The following ZNF740 variants were observed in gnomAD, a reference collection of about 807,000 sequenced individuals.
ZNF740 encodes the protein zinc finger protein 740, also known as oriLyt TD-element-binding protein 7.
ZNF740 carries 14 observed loss-of-function variants against 24.8 expected under a neutral mutation model. The observed-to-expected ratio is 0.56, with a 90% CI of 0.37 to 0.88. The LOEUF (loss-of-function observed/expected upper bound fraction) is 0.88. Ranked by LOEUF, ZNF740 falls within the 40% of genes least tolerant of loss-of-function variation. The pLI is 0.00. For missense variants in ZNF740, 201 were observed against 247.9 expected, an observed-to-expected ratio of 0.81 and a Z score of 1.27; for synonymous variants, 69 against 84.0, an observed-to-expected ratio of 0.82 and a Z score of 0.98.
At position 53,191,335 on chromosome 12, in the gene ZNF740, C is replaced by CT. The variant is rs953013874; in HGVS notation, c.*3748dup. The CT allele has an allele frequency of 8.8e-6, 5 of 568,574 alleles. No individual in the cohort carries two copies. In the Admixed American group the frequency reaches 1.5e-4, roughly 17 times the overall value. The allele number at this position is 568,574 out of a possible 1,614,324, so 35.2% of individuals were successfully genotyped here. On this transcript the variant is annotated 3_prime_UTR_variant, in exon 7 of 7. Coordinates refer to ENST00000416904, the MANE Select transcript of ZNF740 (RefSeq NM_001004304.4). ...GTGACAGCTGTGGTCTGAGGTAAGA[C>CT]TTTATTGTATACTTGGGTGGGGTAG...
Position 53,181,356 on chromosome 12 carries a change from T to A in ZNF740, c.-307-321T>A, listed in dbSNP as rs937431749. On this transcript the variant is annotated intron_variant, in intron 1 of 6. Coordinates refer to ENST00000416904, the MANE Select transcript of ZNF740 (RefSeq NM_001004304.4). ...CTTGCCGCCTCTGTAAAGTGCGAGC[T>A]TTTCGGGCCGGCCCACTGGGCACAA... 4 of 985,270 alleles carry A rather than the reference T, an allele frequency of 4.1e-6. No individual in the cohort carries two copies. In the African/African-American group the frequency reaches 7.0e-5, roughly 17 times the overall value. 61.0% of individuals were successfully genotyped at this position (985,270 alleles called of 1,614,324 possible).
At position 53,186,422 on chromosome 12, in the gene ZNF740, T is replaced by C. The variant is rs773709199; in HGVS notation, c.405T>C (p.Asp135=). 3.2e-5 allele frequency: 51 copies of C among 1,588,132 alleles called. No individual in the cohort carries two copies. The highest frequency in any genetic ancestry group is 1.0e-5 in the Non-Finnish European group (12 of 1,166,604). The part of the protein sequence containing the change: ...GEKPFECDIC[D]MRFIQKYHLE... ...AGCCATTTGAATGCGATATATGTGATATGCGTTTCATCCAGAAGTACCACC... is the reference window on the plus strand; with the variant it reads ...AGCCATTTGAATGCGATATATGTGACATGCGTTTCATCCAGAAGTACCACC... Residue 135 remains aspartate, a synonymous_variant, in exon 6 of 7, where the codon GAT becomes GAC. Coordinates refer to ENST00000416904, the MANE Select transcript of ZNF740 (RefSeq NM_001004304.4).
chr12:53,191,992 A>C lies in ZNF740; in HGVS notation c.*4402A>C, dbSNP rs758690425. The C allele has an allele frequency of 1.2e-6, 2 of 1,613,112 alleles. No individual in the cohort carries two copies. Among genetic ancestry groups the C allele is most frequent in the Admixed American group, 3.3e-5 (2 of 60,012 alleles). On this transcript the variant is annotated 3_prime_UTR_variant, in exon 7 of 7. Coordinates refer to ENST00000416904, the MANE Select transcript of ZNF740 (RefSeq NM_001004304.4). ...CACGATGCCCCCTACGCAGCCCAGC[A>C]CAATGGCCTGCGTGTGGTCTGCTCC...
Position 53,193,855 on chromosome 12 carries a change from G to T in ZNF740, c.*6265G>T. On this transcript the variant is annotated 3_prime_UTR_variant, in exon 7 of 7. Transcript: ENST00000416904. ...AAGGGCCCGGAGCCTCAGGAGATGG[G>T]GCTCTGGGAGGCAGTGGGTGGCTTG... 1 of 1,613,956 alleles carries T rather than the reference G, an allele frequency of 6.2e-7. No individual in the cohort carries two copies. The highest frequency in any genetic ancestry group is 8.5e-7 in the Non-Finnish European group (1 of 1,179,944).
rs754695662 is a variant in ZNF740 at position 53,191,769 on chromosome 12, A to G, written c.*4179A>G. 1 of 1,574,586 alleles carries G rather than the reference A, an allele frequency of 6.4e-7. No individual in the cohort carries two copies. Among genetic ancestry groups the G allele is most frequent in the South Asian group, 1.1e-5 (1 of 89,978 alleles). ...AGCAGAGGGGTTGGTTACATGTGCC[A>G]GGGGCTGGGGGAACCCAGTGGGAGG... On this transcript the variant is annotated 3_prime_UTR_variant, in exon 7 of 7. Transcript: ENST00000416904.
Position 53,187,749 on chromosome 12 carries a change from C to T in ZNF740, c.*159C>T, listed in dbSNP as rs1438489066. The T allele has an allele frequency of 8.1e-6, 5 of 613,660 alleles. No homozygotes were observed. Among genetic ancestry groups the T allele is most frequent in the Admixed American group, 5.7e-5 (2 of 34,926 alleles). The allele number at this position is 613,660 out of a possible 1,614,324, so 38.0% of individuals were successfully genotyped here. ...AGAGTGCATCAGGGGACAGTGGCCC[C>T]AGAACCTCAGCTCTGTAAATAATCT... On this transcript the variant is annotated 3_prime_UTR_variant, in exon 7 of 7. Coordinates refer to ENST00000416904, the MANE Select transcript of ZNF740 (RefSeq NM_001004304.4).
chr12:53,194,227 G>T lies in ZNF740; in HGVS notation c.*6637G>T. On this transcript the variant is annotated 3_prime_UTR_variant, in exon 7 of 7. Transcript: ENST00000416904. The stretch of plus-strand genomic sequence containing the variant: ...TGGTTGATTCGGACGTGGTTGCACT[G>T]TCCTCGATCCTCAGCCTTACCCTCC... 1 of 1,614,024 alleles carries T rather than the reference G, an allele frequency of 6.2e-7. No homozygotes were observed. Among genetic ancestry groups the T allele is most frequent in the Non-Finnish European group, 8.5e-7 (1 of 1,180,002 alleles).
At chr12:53,181,572 C>G in intron 1 of ZNF740, 105 bp from the exon 2 acceptor site, 1 of 920,318 alleles carries the variant, frequency 1.1e-6, no homozygotes, top group Non-Finnish European at 1.3e-6. Context: ...TGTCCTCGTT[C>G]TGAGCTTCAC....
intron 2 of ZNF740, among the ~76,000 whole-genome samples, chr12:53,183,625 G>A (rs968397232): frequency 6.6e-6 from 1 of 151,292 alleles, no homozygotes; most frequent in African/African-American, 2.5e-5. Context: ...TATGGAGCAA[G>A]GAATGTGAAA....
chr12:53,192,642 C>G lies in ZNF740; in HGVS notation c.*5052C>G, dbSNP rs759187301. On this transcript the variant is annotated 3_prime_UTR_variant, in exon 7 of 7. Transcript: ENST00000416904. Reference sequence around the variant, plus strand: ...GAGTAGGCAGATGGGAGTAGCTCAACAAGCCCCACTGTGCCCCTGCTCCCA... The same window carrying G: ...GAGTAGGCAGATGGGAGTAGCTCAAGAAGCCCCACTGTGCCCCTGCTCCCA... 6.2e-7 allele frequency: 1 copy of G among 1,601,032 alleles called. No individual in the cohort carries two copies. Among genetic ancestry groups the G allele is most frequent in the Non-Finnish European group, 8.5e-7 (1 of 1,170,662 alleles).
In ZNF740 at chr12:53,193,020, C is replaced by A; in HGVS notation, c.*5430C>A. On this transcript the variant is annotated 3_prime_UTR_variant, in exon 7 of 7. Coordinates refer to ENST00000416904, the MANE Select transcript of ZNF740 (RefSeq NM_001004304.4). Reference sequence around the variant, plus strand: ...ATCTTTTTGAAGTATGCCAACCACACCCTCTAACCCATACACCGGAATCTT... The same window carrying A: ...ATCTTTTTGAAGTATGCCAACCACAACCTCTAACCCATACACCGGAATCTT... 7.4e-7 allele frequency: 1 copy of A among 1,352,162 alleles called. No homozygotes were observed. 83.8% of individuals were successfully genotyped at this position (1,352,162 alleles called of 1,614,324 possible).
chr12:53,188,114 T>C lies in ZNF740; in HGVS notation c.*524T>C, dbSNP rs542098095. ...GTTTTTAGTTGCAGTAGCTCCTCAGTGTTTCACAATCCTGCACTTCGCCTC... is the reference window on the plus strand; with the variant it reads ...GTTTTTAGTTGCAGTAGCTCCTCAGCGTTTCACAATCCTGCACTTCGCCTC... On this transcript the variant is annotated 3_prime_UTR_variant, in exon 7 of 7. Coordinates refer to ENST00000416904, the MANE Select transcript of ZNF740 (RefSeq NM_001004304.4). The C allele has an allele frequency of 6.2e-6, 1 of 160,966 alleles. No individual in the cohort carries two copies. The highest frequency in any genetic ancestry group is 1.4e-5 in the Non-Finnish European group (1 of 72,298). 10.0% of individuals were successfully genotyped at this position (160,966 alleles called of 1,614,324 possible). A position where few individuals can be genotyped will look rare whatever the true frequency, so the allele number is the denominator to read the frequency against.
Position 53,191,787 on chromosome 12 carries a change from G to A in ZNF740, c.*4197G>A. On this transcript the variant is annotated 3_prime_UTR_variant, in exon 7 of 7. Transcript: ENST00000416904. ...ATGTGCCAGGGGCTGGGGGAACCCA[G>A]TGGGAGGAATCAGGGCTGGTCTTGT... is the stretch of plus-strand genomic sequence containing the variant. 2 of 1,595,984 alleles carry A rather than the reference G, an allele frequency of 1.3e-6. No individual in the cohort carries two copies. The highest frequency in any genetic ancestry group is 1.7e-6 in the Non-Finnish European group (2 of 1,164,820).
chr12:53,186,036 G>A lies in ZNF740; in HGVS notation c.332G>A (p.Arg111Gln), dbSNP rs1395973866. 1.2e-6 allele frequency: 2 copies of A among 1,613,772 alleles called. No individual in the cohort carries two copies. The highest frequency in any genetic ancestry group is 1.3e-5 in the African/African-American group (1 of 74,904). Residue 111 changes from arginine (R) to glutamine (Q), a missense_variant, in exon 5 of 7, where the codon CGG becomes CAG. Around this residue, in one of 3 missense-constraint regions of ZNF740, gnomAD observed 60 missense variants for 107.8 expected, o/e 0.56. Coordinates refer to ENST00000416904, the MANE Select transcript of ZNF740 (RefSeq NM_001004304.4). ...TGTGAACACTGCTTTGGAGCCTTTCGGAGCAGTTACCACCTAAAGAGGCAC... is the reference window on the plus strand; with the variant it reads ...TGTGAACACTGCTTTGGAGCCTTTCAGAGCAGTTACCACCTAAAGAGGCAC... The part of the protein sequence containing the change: ...FVCEHCFGAF[R>Q]SSYHLKRHIL...
At chr12:53,186,732 C>G (rs763744812) in intron 6 of ZNF740, 16 of 448,802 alleles carry the variant, frequency 3.6e-5, no homozygotes, top group Non-Finnish European at 5.7e-5. Context: ...ATCACTTACT[C>G]TATGCCAGGC....
In ZNF740 at chr12:53,190,479, G is replaced by T. The variant is rs1223635115; in HGVS notation, c.*2889G>T. On this transcript the variant is annotated 3_prime_UTR_variant, in exon 7 of 7. Transcript: ENST00000416904. The stretch of plus-strand genomic sequence containing the variant: ...GCTCAGGCTATAAACAGTCTGCTTT[G>T]CCCCAAGTCTTTTCCGTCCACCCCC... 6.5e-6 allele frequency: 1 copy of T among 152,862 alleles called. No homozygotes were observed. The highest frequency in any genetic ancestry group is 1.5e-5 in the Non-Finnish European group (1 of 68,214). 9.5% of individuals were successfully genotyped at this position (152,862 alleles called of 1,614,324 possible). A position where few individuals can be genotyped will look rare whatever the true frequency, so the allele number is the denominator to read the frequency against.
chr12:53,191,865 C>G lies in ZNF740; in HGVS notation c.*4275C>G. The G allele has an allele frequency of 5.0e-6, 8 of 1,613,602 alleles. No homozygotes were observed. The highest frequency in any genetic ancestry group is 6.8e-6 in the Non-Finnish European group (8 of 1,179,984). ...AACCAGGAAGTCTCCTCACCTGCTTCCAGTTGAGTTGTTGCTGCTCCTTCT... is the reference window on the plus strand; with the variant it reads ...AACCAGGAAGTCTCCTCACCTGCTTGCAGTTGAGTTGTTGCTGCTCCTTCT... On this transcript the variant is annotated 3_prime_UTR_variant, in exon 7 of 7. Coordinates refer to ENST00000416904, the MANE Select transcript of ZNF740 (RefSeq NM_001004304.4).
Position 53,191,499 on chromosome 12 carries a change from C to T in ZNF740, c.*3909C>T. 7.2e-7 allele frequency: 1 copy of T among 1,389,592 alleles called. No individual in the cohort carries two copies. 86.1% of individuals were successfully genotyped at this position (1,389,592 alleles called of 1,614,324 possible). ...TTACAGACCCACCCTTCCTCTCACC[C>T]TCCAGTTCCCACTGTCCTCCAAGGA... On this transcript the variant is annotated 3_prime_UTR_variant, in exon 7 of 7. Transcript: ENST00000416904.
rs570516530 is a variant in ZNF740, at chr12:53,188,561, T to C, written c.*971T>C. Reference sequence around the variant, plus strand: ...GGAACAACCCAAGACTGGTCCCAAGTTGGCTAACAGCTGCTCAAGAAACAA... The same window carrying C: ...GGAACAACCCAAGACTGGTCCCAAGCTGGCTAACAGCTGCTCAAGAAACAA... On this transcript the variant is annotated 3_prime_UTR_variant, in exon 7 of 7. Transcript: ENST00000416904. The C allele has an allele frequency of 2.0e-5, 3 of 152,732 alleles. No homozygotes were observed. In the East Asian group the frequency reaches 5.8e-4, roughly 29 times the overall value. The allele number at this position is 152,732 out of a possible 1,614,324, so 9.5% of individuals were successfully genotyped here.
Sources: gnomAD v4.1 joint callset for allele counts (sites outside exome capture counted in the v4.1 genomes callset) on GRCh38, gnomAD v4.1.1 for gene constraint, gnomAD v4.1.1 regional missense constraint, MANE v1.5 for transcripts, NCBI Gene and HGNC (gene_info 2026-07-23, HGNC 2026-07-21) for gene names.